Variants in CPNE4 observed in about 807,000 individuals in gnomAD.
CPNE4 encodes the protein copine 4, also known as copine-4.
In CPNE4, 25 loss-of-function variants were observed where a neutral mutation model predicts 67.9. That is an observed-to-expected ratio of 0.37 (90% CI 0.27 to 0.51). The LOEUF is 0.51. Ranked by LOEUF, CPNE4 falls within the 20% of genes least tolerant of loss-of-function variation. CPNE4 has a pLI of 0.93. For synonymous variants in CPNE4, 242 were observed against 244.9 expected, an observed-to-expected ratio of 0.99 and a Z score of 0.11; for missense variants, 464 against 690.8, an observed-to-expected ratio of 0.67 and a Z score of 3.68.
chr3:131,908,670 C>T (rs1293004511), intron 1 of CPNE4, among the ~76,000 whole-genome samples: 2 of 152,064 alleles, frequency 1.3e-5, no homozygotes, highest in Admixed American at 6.6e-5. Context: ...TGTATTTTTA[C>T]ATACATATTG....
intron 7 of CPNE4, among the ~76,000 whole-genome samples, chr3:131,588,513 G>T (rs897168279): frequency 3.3e-5 from 5 of 152,132 alleles, no homozygotes; most frequent in Non-Finnish European, 7.4e-5. Flanking sequence ...GGAATATTGG[G>T]GATCTAAGAG....
chr3:131,676,219 T>C (rs1583003960), intron 6 of CPNE4, among the ~76,000 whole-genome samples: 2 of 151,636 alleles, frequency 1.3e-5, no homozygotes, highest in Admixed American at 1.3e-4. Flanking sequence ...CCACAATGCC[T>C]GGCTAATTTT....
chr3:131,685,550 G>A (rs959773713), intron 6 of CPNE4, among the ~76,000 whole-genome samples: 1 of 152,130 alleles, frequency 6.6e-6, no homozygotes, highest in Non-Finnish European at 1.5e-5. Flanking sequence ...TTGGGAGGCC[G>A]AGGCGGGTGG....
At chr3:131,934,348 T>G (rs1468539953) in intron 1 of CPNE4, among the ~76,000 whole-genome samples, 10 of 152,108 alleles carry the variant, frequency 6.6e-5, no homozygotes, top group Non-Finnish European at 1.3e-4. Flanking sequence ...AAGCAGCAAG[T>G]GTACAAAAAT....
At chr3:132,026,111 AT>A (rs2074110520) in intron 1 of CPNE4, among the ~76,000 whole-genome samples, 2 of 152,248 alleles carry the variant, frequency 1.3e-5, no homozygotes, top group African/African-American at 4.8e-5. Flanking sequence ...TAATAAGAAT[AT>A]TTTTAATAAA....
chr3:131,668,577 G>A (rs970560004), intron 7 of CPNE4, among the ~76,000 whole-genome samples: 3 of 152,146 alleles, frequency 2.0e-5, no homozygotes, highest in Non-Finnish European at 2.9e-5. Context: ...ATGCCCTGGT[G>A]AAGCTGATAT....
At position 131,905,285 on chromosome 3, in the gene CPNE4, C is replaced by A; in HGVS notation, c.159G>T (p.Gln53His). The change falls in exon 2 of 16, where the codon CAG becomes CAT. Residue 53 changes from glutamine (Q) to histidine (H), a missense_variant. By Grantham distance (24) the Gln-to-His change is conservative. Around this residue, in one of 6 missense-constraint regions of CPNE4, gnomAD observed 170 missense variants for 203.3 expected, o/e 0.84. Coordinates refer to ENST00000429747, the MANE Select transcript of CPNE4 (RefSeq NM_130808.3). ...KPDPCVILKM[Q>H]SHGQWFEVDR... Reference sequence around the variant, plus strand: ...CTACCTCAAACCACTGCCCATGAGACTGCATCTTGAGGATGACACAGGGGT... The same window carrying A: ...CTACCTCAAACCACTGCCCATGAGAATGCATCTTGAGGATGACACAGGGGT... 1 of 1,613,334 alleles carries A rather than the reference C, an allele frequency of 6.2e-7. No individual in the cohort carries two copies. The highest frequency in any genetic ancestry group is 8.5e-7 in the Non-Finnish European group (1 of 1,179,552).
intron 2 of CPNE4, among the ~76,000 whole-genome samples, chr3:131,752,965 G>C (rs917017046): frequency 6.6e-6 from 1 of 151,702 alleles, no homozygotes; most frequent in African/African-American, 2.4e-5. Flanking sequence ...GAAAATGCCG[G>C]TGAGGAGAAA....
chr3:131,859,659 A>G (rs2086593932), intron 2 of CPNE4, among the ~76,000 whole-genome samples: 1 of 152,192 alleles, frequency 6.6e-6, no homozygotes, highest in South Asian at 2.1e-4. Flanking sequence ...CATTATAGGC[A>G]AGATTGAGCA....
At chr3:131,539,506 A>T (rs999677129) in intron 15 of CPNE4, among the ~76,000 whole-genome samples, 1 of 152,202 alleles carries the variant, frequency 6.6e-6, no homozygotes. Context: ...CAGTCATGCA[A>T]TTCTCCAGTA....
At chr3:131,837,935 T>G (rs919175880) in intron 2 of CPNE4, among the ~76,000 whole-genome samples, 3 of 151,982 alleles carry the variant, frequency 2.0e-5, no homozygotes, top group Non-Finnish European at 4.4e-5. Context: ...TCATTTCAAG[T>G]GTATAATTGA....
chr3:131,739,196 A>G (rs1366729671), intron 2 of CPNE4, among the ~76,000 whole-genome samples: 1 of 152,182 alleles, frequency 6.6e-6, no homozygotes, highest in Non-Finnish European at 1.5e-5. Context: ...CAAACAAACC[A>G]GTCCAGAGCC....
At chr3:131,801,372 CATATAT>C (rs201764210) in intron 2 of CPNE4, among the ~76,000 whole-genome samples, 1 of 86,212 alleles carries the variant, frequency 1.2e-5, no homozygotes, top group Admixed American at 1.4e-4. Flanking sequence ...ATATATGTAC[CATATAT>C]ATATATATGG....
At chr3:131,790,727 T>C (rs1210335173) in intron 2 of CPNE4, among the ~76,000 whole-genome samples, 1 of 152,140 alleles carries the variant, frequency 6.6e-6, no homozygotes, top group Non-Finnish European at 1.5e-5. Context: ...TTTGATGCCA[T>C]AGTGATTAAA....
intron 1 of CPNE4, among the ~76,000 whole-genome samples, chr3:132,015,459 C>T (rs2107682194): frequency 6.6e-6 from 1 of 152,206 alleles, no homozygotes; most frequent in African/African-American, 2.4e-5. Flanking sequence ...TAAGAATCAA[C>T]TGCTGTCCTT....
intron 1 of CPNE4, among the ~76,000 whole-genome samples, chr3:131,961,156 T>C (rs1427050022): frequency 1.3e-5 from 2 of 152,236 alleles, no homozygotes; most frequent in Non-Finnish European, 2.9e-5. Context: ...CATACTTTTG[T>C]AGAGAAAGTT....
chr3:131,880,517 G>T (rs1054480701), intron 2 of CPNE4, among the ~76,000 whole-genome samples: 10 of 152,156 alleles, frequency 6.6e-5, no homozygotes, highest in Non-Finnish European at 1.0e-4. Context: ...CAATGAAGTG[G>T]GAGCTGAAGT....
chr3:131,715,154 A>T (rs2081651880), intron 3 of CPNE4, among the ~76,000 whole-genome samples: 1 of 152,192 alleles, frequency 6.6e-6, no homozygotes, highest in Non-Finnish European at 1.5e-5. Context: ...AGGCCAGAGC[A>T]ATGCACCTTC....
chr3:131,571,909 T>C lies in CPNE4; in HGVS notation c.927+3162A>G, dbSNP rs139934189. ...TGTTTATTCATTTTCCTAATTAAGG[T>C]TTTAGTATTTATAATTAGAATATAG... On this transcript the variant is annotated intron_variant, in intron 10 of 15. Coordinates refer to ENST00000429747, the MANE Select transcript of CPNE4 (RefSeq NM_130808.3). 8.5e-4 allele frequency among the ~76,000 whole-genome samples: 130 copies of C among 152,210 alleles called. No individual in the cohort carries two copies. The East Asian group carries it at 0.024, about 29-fold the overall frequency.
Sources: allele counts gnomAD v4.1 joint callset (sites outside exome capture counted in the v4.1 genomes callset), GRCh38; gene constraint gnomAD v4.1.1; regional missense constraint gnomAD v4.1.1; transcripts MANE v1.5; gene names NCBI Gene and HGNC (gene_info 2026-07-23, HGNC 2026-07-21).